NOD1: variants seen among roughly 807,000 people sequenced by gnomAD.
NOD1 encodes nucleotide binding oligomerization domain containing 1, also known as nucleotide-binding oligomerization domain-containing protein 1.
Under a neutral mutation model 81.2 loss-of-function variants are expected in NOD1, and 70 were observed. The ratio of observed to expected loss-of-function variants is 0.86; its 90% CI spans 0.71 to 1.05. NOD1 has a LOEUF of 1.05. Among genes scored for constraint, NOD1 ranks in the 50% least tolerant of loss-of-function variants. The probability of loss-of-function intolerance (pLI) is 0.00; values close to 1 mark genes in which losing one functional copy is unlikely to be tolerated. For missense variants in NOD1, 1,233 were observed against 1,228.0 expected, an observed-to-expected ratio of 1.00 and a Z score of -0.06; for synonymous variants, 508 against 526.9, an observed-to-expected ratio of 0.96 and a Z score of 0.49.
At chr7:30,448,421 C>A in intron 6 of NOD1, 40 bp from the exon 7 acceptor site, 1 of 1,507,736 alleles carries the variant, frequency 6.6e-7, no homozygotes. Flanking sequence ...TCAGGGCAGG[C>A]ACTCATTATG....
chr7:30,464,657 G>A (rs736782), intron 1 of NOD1, among the ~76,000 whole-genome samples: 28,032 of 152,148 alleles, frequency 0.18, 2,685 homozygotes, highest in East Asian at 0.3. Flanking sequence ...GACCATGTTT[G>A]CTGGTGATTT....
chr7:30,455,090 G>T lies in NOD1; in HGVS notation c.376+47C>A, dbSNP rs201065911. ...CCCAGCCATTACCAAACCCCCCAGGGCCCTGCTTGCACTGGTGCCTGCGGT... is the reference window on the plus strand; with the variant it reads ...CCCAGCCATTACCAAACCCCCCAGGTCCCTGCTTGCACTGGTGCCTGCGGT... On this transcript the variant is annotated intron_variant, in intron 5 of 13. Transcript: ENST00000222823. 19 of 1,589,176 alleles carry T rather than the reference G, an allele frequency of 1.2e-5. No homozygotes were observed. The African/African-American group carries it at 2.4e-4, about 20-fold the overall frequency.
Position 30,448,396 on chromosome 7 carries a change from CA to C in NOD1, c.2202-16del, listed in dbSNP as rs759166672. 2.5e-6 allele frequency: 4 copies of C among 1,608,628 alleles called. No individual in the cohort carries two copies. The highest frequency in any genetic ancestry group is 3.4e-6 in the Non-Finnish European group (4 of 1,175,412). ...TTACGCTGAGTCTGAAATAAAACAG[CA>C]AAAAAATTACGAGTCAGGGCAGGCA... is the stretch of plus-strand genomic sequence containing the variant. On this transcript the variant is annotated splice_polypyrimidine_tract_variant and intron_variant, in intron 6 of 13. Transcript: ENST00000222823.
At position 30,451,325 on chromosome 7, in the gene NOD1, C is replaced by T. The variant is rs776642674; in HGVS notation, c.2092G>A (p.Val698Ile). Residue 698 changes from valine to isoleucine, a missense_variant, in exon 6 of 14, where the codon GTC becomes ATC. Coordinates refer to ENST00000222823, the MANE Select transcript of NOD1 (RefSeq NM_006092.4). This position sits in a 1 kb window ranked among gnomAD's most constrained non-coding sequence, Gnocchi z 4.2. ...AGCCGCTTGGGGAAGTGATGCAGGACGAAGGAGAGGGCGCTGCAGTCGGCC... is the reference window on the plus strand; with the variant it reads ...AGCCGCTTGGGGAAGTGATGCAGGATGAAGGAGAGGGCGCTGCAGTCGGCC... ...CSADCSALSF[V>I]LHHFPKRLAL... 8.7e-6 allele frequency: 14 copies of T among 1,614,180 alleles called. No homozygotes were observed. Among genetic ancestry groups the T allele is most frequent in the Middle Eastern group, 1.6e-4 (1 of 6,062 alleles).
intron 7 of NOD1, chr7:30,447,815 G>A (rs1410631671): frequency 3.2e-5 from 5 of 156,400 alleles, no homozygotes; most frequent in African/African-American, 1.2e-4. Flanking sequence ...TACCACACTT[G>A]GTTTGACTGT....
intron 4 of NOD1, 87 bp from the exon 5 acceptor site, chr7:30,455,398 C>G (rs2128064752): frequency 9.3e-7 from 1 of 1,073,778 alleles, no homozygotes; most frequent in South Asian, 1.4e-5. Context: ...CAGGGCAGGG[C>G]TCTGAGTTCT....
Position 30,425,647 on chromosome 7 carries a change from G to C in NOD1, c.2853C>G (p.Ile951Met). ...ACAGGAAAGCATCCTCTCAGAAACA[G>C]ATAATCCGCTTCTCATCTTCATAGA... is the stretch of plus-strand genomic sequence containing the variant. ...AKVYEDEKRIICF is the reference protein window; with the variant it reads ...AKVYEDEKRIMCF Residue 951 changes from isoleucine to methionine, a missense_variant, in exon 14 of 14, where the codon ATC becomes ATG. Transcript: ENST00000222823. The C allele has an allele frequency of 6.2e-7, 1 of 1,613,174 alleles. No individual in the cohort carries two copies. Among genetic ancestry groups the C allele is most frequent in the Non-Finnish European group, 8.5e-7 (1 of 1,179,144 alleles).
intron 9 of NOD1, among the ~76,000 whole-genome samples, chr7:30,445,079 G>C (rs1400584756): frequency 1.9e-5 from 1 of 53,584 alleles, no homozygotes; most frequent in Non-Finnish European, 3.4e-5. Context: ...CATGGACACA[G>C]GAAGGGGAAT....
chr7:30,450,136 G>A (rs1036701508), intron 6 of NOD1, among the ~76,000 whole-genome samples: 3 of 152,288 alleles, frequency 2.0e-5, no homozygotes, highest in African/African-American at 7.2e-5. Context: ...GGAGGTTGCA[G>A]TGAGCTGAGA....
chr7:30,459,614 T>C (rs529167665), intron 2 of NOD1, among the ~76,000 whole-genome samples: 55 of 152,368 alleles, frequency 3.6e-4, no homozygotes, highest in Non-Finnish European at 7.2e-4. Context: ...GTTACTGTAT[T>C]CCAGCTAGTC....
chr7:30,469,454 T>C (rs1788047763), intron 1 of NOD1, among the ~76,000 whole-genome samples: 1 of 152,092 alleles, frequency 6.6e-6, no homozygotes, highest in Non-Finnish European at 1.5e-5. Flanking sequence ...ACAAAGTACC[T>C]TATAGTGTGA....
intron 1 of NOD1, among the ~76,000 whole-genome samples, chr7:30,477,072 G>C (rs1047411775): frequency 1.3e-5 from 2 of 152,198 alleles, no homozygotes; most frequent in African/African-American, 2.4e-5. Flanking sequence ...GAAAACAGGG[G>C]CTTGGAGAGG....
Position 30,478,468 on chromosome 7 carries a change from G to A in NOD1, c.-352+138C>T, listed in dbSNP as rs1012686800. 6.6e-6 allele frequency: 1 copy of A among 152,302 alleles called. No homozygotes were observed. The allele number at this position is 152,302 out of a possible 1,614,324, so 9.4% of individuals were successfully genotyped here. On this transcript the variant is annotated intron_variant, in intron 1 of 13. Coordinates refer to ENST00000222823, the MANE Select transcript of NOD1 (RefSeq NM_006092.4). The surrounding 1 kb of genome is among the most constrained non-coding windows in gnomAD (Gnocchi z 4.1). ...TCAAACTCGCGGGTTTCTCCGCTTG[G>A]TTCCACCCAGAGCTCCTCCAGAGCC...
Position 30,471,771 on chromosome 7 carries a change from G to T in NOD1, c.-352+6835C>A, listed in dbSNP as rs191489078. On this transcript the variant is annotated intron_variant, in intron 1 of 13. Transcript: ENST00000222823. ...GCCCAACCTCCCTCCACTCTTCGGG[G>T]TCTTTTGTTCCTGTTTCTAAAGAGC... Among the ~76,000 whole-genome samples the T allele has an allele frequency of 1.8e-4, 28 of 152,322 alleles. No individual in the cohort carries two copies. The East Asian group carries it at 5.4e-3, about 29-fold the overall frequency.
chr7:30,474,671 C>T (rs1329792893), intron 1 of NOD1, among the ~76,000 whole-genome samples: 1 of 152,250 alleles, frequency 6.6e-6, no homozygotes, highest in African/African-American at 2.4e-5. Flanking sequence ...TTGCTCACTG[C>T]TGCTCACCTT....
intron 5 of NOD1, 70 bp from the exon 6 acceptor site, chr7:30,453,110 G>T: frequency 2.6e-6 from 4 of 1,515,502 alleles, no homozygotes; most frequent in Non-Finnish European, 3.6e-6. Flanking sequence ...CAAACAGGGA[G>T]GTCTCAAAGA....
chr7:30,452,659 A>C lies in NOD1; in HGVS notation c.758T>G (p.Leu253Arg), dbSNP rs1436938209. 6 of 1,613,858 alleles carry C rather than the reference A, an allele frequency of 3.7e-6. No individual in the cohort carries two copies. In the South Asian group the frequency reaches 5.5e-5, roughly 15 times the overall value. ...KESDRLCLQD[L>R]LFKHYCYPER... ...TGGGTAGCAGTAGTGCTTGAAGAGC[A>C]GGTCCTGCAGACACAGCCTGTCACT... Residue 253 changes from leucine (L) to arginine (R), a missense_variant, in exon 6 of 14, where the codon CTG (leucine) becomes CGG (arginine). Coordinates refer to ENST00000222823, the MANE Select transcript of NOD1 (RefSeq NM_006092.4).
chr7:30,445,479 C>A (rs905370962), intron 9 of NOD1, among the ~76,000 whole-genome samples: 2 of 151,914 alleles, frequency 1.3e-5, no homozygotes, highest in East Asian at 3.9e-4. Flanking sequence ...GAAATCCTGG[C>A]GGGGCACGGT....
At chr7:30,460,357 A>G (rs1786900923) in intron 1 of NOD1, 1 of 985,268 alleles carries the variant, frequency 1.0e-6, no homozygotes. Flanking sequence ...TTTGCTTGGT[A>G]AAGGGTGGGT....
Sources: gnomAD v4.1 joint callset for allele counts (sites outside exome capture counted in the v4.1 genomes callset) on GRCh38, gnomAD v4.1.1 for gene constraint, Gnocchi (gnomAD v3.1) non-coding constraint, MANE v1.5 for transcripts, NCBI Gene and HGNC (gene_info 2026-07-23, HGNC 2026-07-21) for gene names.